SZT2: variants seen among roughly 807,000 people sequenced by gnomAD.
SZT2 encodes KICSTOR complex protein SZT2.
A neutral mutation model predicts 404.2 loss-of-function variants in SZT2; 216 were observed. The ratio of observed to expected loss-of-function variants is 0.53; its 90% CI spans 0.48 to 0.60. The LOEUF (loss-of-function observed/expected upper bound fraction) is 0.60. Among genes scored for constraint, SZT2 ranks in the 20% least tolerant of loss-of-function variants. The pLI is 0.00. For missense variants in SZT2, 3,857 were observed against 4,459.2 expected (o/e 0.86, Z 3.85); for synonymous variants, 1,693 against 1,749.9 (o/e 0.97, Z 0.81).
chr1:43,444,256 T>G (rs1232486073), intron 62 of SZT2, among the ~76,000 whole-genome samples: 1 of 151,952 alleles, frequency 6.6e-6, no homozygotes, highest in Admixed American at 6.6e-5. Flanking sequence ...GCCACCCTGC[T>G]TGGCTAATTT....
At chr1:43,433,886 C>T (rs146053461) in intron 40 of SZT2, among the ~76,000 whole-genome samples, 6 of 152,330 alleles carry the variant, frequency 3.9e-5, no homozygotes, top group African/African-American at 7.2e-5. Flanking sequence ...AACCCTACGG[C>T]GTATTAATGT....
At chr1:43,416,359 G>T (rs965871513) in intron 6 of SZT2, among the ~76,000 whole-genome samples, 176 bp from the exon 7 acceptor site, 1 of 152,172 alleles carries the variant, frequency 6.6e-6, no homozygotes, top group Admixed American at 6.5e-5. Context: ...AGAGGAAGAA[G>T]CAGGAGGGTA....
chr1:43,426,176 C>T lies in SZT2; in HGVS notation c.3043+25C>T, dbSNP rs1483534776. Reference sequence around the variant, plus strand: ...GGTAGGTGAACCTGGTACCCTTTCACCCCACACCTAAAGGGCCAGCAAGCC... The same window carrying T: ...GGTAGGTGAACCTGGTACCCTTTCATCCCACACCTAAAGGGCCAGCAAGCC... On this transcript the variant is annotated intron_variant, in intron 21 of 71. Coordinates refer to ENST00000634258, the MANE Select transcript of SZT2 (RefSeq NM_001365999.1). This position sits in a 1 kb window ranked among gnomAD's most constrained non-coding sequence, Gnocchi z 4.9. 1.9e-6 allele frequency: 3 copies of T among 1,608,154 alleles called. No individual in the cohort carries two copies. The highest frequency in any genetic ancestry group is 2.7e-5 in the African/African-American group (2 of 74,796).
At chr1:43,432,462 G>A (rs1286318882) in intron 37 of SZT2, 23 bp downstream of exon 37, 2 of 1,561,942 alleles carry the variant, frequency 1.3e-6, no homozygotes, top group African/African-American at 1.4e-5. Context: ...TGGGAATGGA[G>A]GGGGGTGGTG....
rs1273034897 is a variant in SZT2 at position 43,422,091 on chromosome 1, C to T, written c.1635C>T (p.Ser545=). Reference sequence around the variant, plus strand: ...GTCCTTCCTGTCCTCAGGTGCTCTCCCTCCAGCCCAGTGGTTCTGACTCAT... The same window carrying T: ...GTCCTTCCTGTCCTCAGGTGCTCTCTCTCCAGCCCAGTGGTTCTGACTCAT... ...IPPGSTTPVL[S]LQPSGSDSSH... The change falls in exon 12 of 72, where the codon TCC becomes TCT. Residue 545 remains serine, a synonymous_variant. Transcript: ENST00000634258. 3 of 1,594,714 alleles carry T rather than the reference C, an allele frequency of 1.9e-6. No homozygotes were observed. The highest frequency in any genetic ancestry group is 1.7e-6 in the Non-Finnish European group (2 of 1,176,940).
intron 1 of SZT2, among the ~76,000 whole-genome samples, chr1:43,398,395 T>G (rs1213012950): frequency 6.6e-6 from 1 of 152,230 alleles, no homozygotes; most frequent in African/African-American, 2.4e-5. Flanking sequence ...AAATGACTGC[T>G]GAATTAGGAT....
chr1:43,438,663 C>G, intron 46 of SZT2, 36 bp from the exon 47 acceptor site: 1 of 1,594,244 alleles, frequency 6.3e-7, no homozygotes, highest in Admixed American at 1.7e-5. Context: ...GGATCCTCTA[C>G]CAGTGTCCCC....
At position 43,448,173 on chromosome 1, in the gene SZT2, C is replaced by T. The variant is rs1655920621; in HGVS notation, c.9658C>T (p.Pro3220Ser). ...CTTCCGGAAGCCACCCAGACTGCCC[C>T]CTGAGCCAGAGGCTCCTGGGAGTTC... ...RRFRKPPRLP[P>S]EPEAPGSSAG... Residue 3220 changes from proline to serine, a missense_variant, in exon 69 of 72, where the codon CCT (proline) becomes TCT (serine). Transcript: ENST00000634258. This position sits in a 1 kb window ranked among gnomAD's most constrained non-coding sequence, Gnocchi z 4.2. 1 of 1,611,934 alleles carries T rather than the reference C, an allele frequency of 6.2e-7. No homozygotes were observed. Among genetic ancestry groups the T allele is most frequent in the Non-Finnish European group, 8.5e-7 (1 of 1,178,788 alleles).
chr1:43,454,035 G>A lies in SZT2; in HGVS notation c.*3555G>A. 8.7e-7 allele frequency: 1 copy of A among 1,155,912 alleles called. No homozygotes were observed. The highest frequency in any genetic ancestry group is 1.1e-6 in the Non-Finnish European group (1 of 940,272). 71.6% of individuals were successfully genotyped at this position (1,155,912 alleles called of 1,614,324 possible). ...AGCGAGGGCGGCCGGAAAAGGAGCAGGACCCGCGCCTGGAGAAGGTAGGGA... is the reference window on the plus strand; with the variant it reads ...AGCGAGGGCGGCCGGAAAAGGAGCAAGACCCGCGCCTGGAGAAGGTAGGGA... On this transcript the variant is annotated 3_prime_UTR_variant, in exon 72 of 72. Coordinates refer to ENST00000634258, the MANE Select transcript of SZT2 (RefSeq NM_001365999.1).
intron 28 of SZT2, 191 bp downstream of exon 28, chr1:43,428,677 T>A: frequency 1.5e-6 from 1 of 678,510 alleles, no homozygotes; most frequent in Non-Finnish European, 2.4e-6. Flanking sequence ...GCAGTCTCCC[T>A]CCCAGGCTCT....
rs1045193745 is a variant in SZT2 at position 43,434,285 on chromosome 1, C to T, written c.5805-101C>T. On this transcript the variant is annotated intron_variant, in intron 40 of 71. Transcript: ENST00000634258. ...CCCCACCTCCATGACTTTCTCTCCC[C>T]CTCGTGATACGTATAACTGCAGTTA... 1.4e-5 allele frequency: 14 copies of T among 1,024,672 alleles called. No individual in the cohort carries two copies. In the East Asian group the frequency reaches 4.0e-4, roughly 29 times the overall value. The allele number at this position is 1,024,672 out of a possible 1,614,324, so 63.5% of individuals were successfully genotyped here.
At chr1:43,414,038 T>C (rs1651403270) in intron 4 of SZT2, among the ~76,000 whole-genome samples, 1 of 152,020 alleles carries the variant, frequency 6.6e-6, no homozygotes, top group African/African-American at 2.4e-5. Context: ...TCCCAGCACT[T>C]TGGGAGGCTG....
At chr1:43,432,021 C>G in intron 36 of SZT2, 120 bp downstream of exon 36, 1 of 1,284,508 alleles carries the variant, frequency 7.8e-7, no homozygotes. Context: ...TCCTGTCTCC[C>G]TGCTCACCAC....
Position 43,448,694 on chromosome 1 carries a change from A to T in SZT2, c.10052A>T (p.His3351Leu). The change falls in exon 70 of 72, where the codon CAT (histidine) becomes CTT (leucine). Residue 3351 changes from histidine to leucine, a missense_variant. Physicochemically the swap from His to Leu is moderately conservative, Grantham distance 99. Transcript: ENST00000634258. The surrounding 1 kb of genome is among the most constrained non-coding windows in gnomAD (Gnocchi z 4.2). ...AGCCGCTTCCCCCAGAGCTGTCGCC[A>T]TTTCCAAAGCCCAGACTTGGGAACT... Reference protein sequence around the residue: ...LLSRFPQSCRHFQSPDLGTQY... With the variant: ...LLSRFPQSCRLFQSPDLGTQY... 1 of 1,614,160 alleles carries T rather than the reference A, an allele frequency of 6.2e-7. No homozygotes were observed.
chr1:43,417,305 T>G (rs144817646), intron 7 of SZT2, among the ~76,000 whole-genome samples: 8 of 151,928 alleles, frequency 5.3e-5, no homozygotes, highest in African/African-American at 1.4e-4. Flanking sequence ...AGAGGCAGAG[T>G]CAACCTGACT....
chr1:43,390,123 C>G, intron 1 of SZT2, 128 bp downstream of exon 1: 1 of 1,151,420 alleles, frequency 8.7e-7, no homozygotes, highest in Non-Finnish European at 1.1e-6. Flanking sequence ...GGGACCAGCC[C>G]AGCCCGGAAG....
Position 43,453,834 on chromosome 1 carries a change from A to AGGGGGCG in SZT2, c.*3356_*3357insGGGCGGG. The AGGGGGCG allele has an allele frequency of 8.4e-7, 1 of 1,194,562 alleles. No homozygotes were observed. The highest frequency in any genetic ancestry group is 1.0e-6 in the Non-Finnish European group (1 of 961,542). 74.0% of individuals were successfully genotyped at this position (1,194,562 alleles called of 1,614,324 possible). On this transcript the variant is annotated 3_prime_UTR_variant, in exon 72 of 72. Coordinates refer to ENST00000634258, the MANE Select transcript of SZT2 (RefSeq NM_001365999.1). ...GCCGGGCGGAGTCCGCGGGATCCAAAGGCGGCGGGCGGCGGGCGGCGGGCG... is the reference window on the plus strand; with the variant it reads ...GCCGGGCGGAGTCCGCGGGATCCAAAGGGGGCGGGCGGCGGGCGGCGGGCGGCGGGCG...
Position 43,404,551 on chromosome 1 carries a change from G to T in SZT2, c.498+1G>T, listed in dbSNP as rs766399416. ...CATCATTGGACTGCAGTCCCACCAGGTATTGCATCATCTCTCCAAGTTTGT... is the reference window on the plus strand; with the variant it reads ...CATCATTGGACTGCAGTCCCACCAGTTATTGCATCATCTCTCCAAGTTTGT... On this transcript the variant is annotated splice_donor_variant, in intron 4 of 71. Coordinates refer to ENST00000634258, the MANE Select transcript of SZT2 (RefSeq NM_001365999.1). LOFTEE classifies it high-confidence loss of function. 2 of 1,611,818 alleles carry T rather than the reference G, an allele frequency of 1.2e-6. No homozygotes were observed.
intron 41 of SZT2, 24 bp from the exon 42 acceptor site, chr1:43,435,176 C>T: frequency 6.2e-7 from 1 of 1,612,910 alleles, no homozygotes. Flanking sequence ...TTTCAGTTCC[C>T]TGACCTCATG....
Sources: allele counts gnomAD v4.1 joint callset (sites outside exome capture counted in the v4.1 genomes callset), GRCh38; gene constraint gnomAD v4.1.1; non-coding constraint Gnocchi (gnomAD v3.1); transcripts MANE v1.5; gene names NCBI Gene and HGNC (gene_info 2026-07-23, HGNC 2026-07-21).